TOR1AIP1: variants seen among roughly 807,000 people sequenced by gnomAD.
The protein encoded by TOR1AIP1 is torsin-1A-interacting protein 1.
In TOR1AIP1, 54 loss-of-function variants were observed where a neutral mutation model predicts 63.3. That is an observed-to-expected ratio of 0.85 (90% CI 0.69 to 1.07). TOR1AIP1 has a LOEUF of 1.07. TOR1AIP1 is among the 50% of genes least tolerant of loss of function. TOR1AIP1 has a pLI of 0.00. For missense variants in TOR1AIP1, 736 were observed against 715.0 expected (o/e 1.03, Z -0.33); for synonymous variants, 294 against 273.5 (o/e 1.07, Z -0.74).
At chr1:179,887,049 T>G (rs1440755081) in intron 2 of TOR1AIP1, among the ~76,000 whole-genome samples, 1 of 152,204 alleles carries the variant, frequency 6.6e-6, no homozygotes, top group African/African-American at 2.4e-5. Context: ...AGTGCTATAA[T>G]TGTATATAAG....
rs1649058133 is a variant in TOR1AIP1, at chr1:179,917,545, G to A, written c.1058G>A (p.Trp353Ter). 6.2e-7 allele frequency: 1 copy of A among 1,613,868 alleles called. No individual in the cohort carries two copies. Among genetic ancestry groups the A allele is most frequent in the Non-Finnish European group, 8.5e-7 (1 of 1,180,010 alleles). The change falls in exon 10 of 10, where the codon TGG becomes TAG. Residue 353 changes from tryptophan (W) to a stop codon, truncating the protein, a stop_gained. Coordinates refer to ENST00000606911, the MANE Select transcript of TOR1AIP1 (RefSeq NM_015602.4). LOFTEE classifies it high-confidence loss of function. ...GCTGCTCTTGCCTCTGGGAGTTTTT[G>A]GTTCTTTAGTACTCCTGAGGTAGAA... ...LIAALASGSFWFFSTPEVETT... is the reference protein window; with the variant it reads ...LIAALASGSF
intron 5 of TOR1AIP1, among the ~76,000 whole-genome samples, chr1:179,902,094 C>T (rs961055561): frequency 1.4e-5 from 2 of 140,302 alleles, no homozygotes; most frequent in African/African-American, 2.7e-5. Flanking sequence ...GGCGCAATGT[C>T]GGCTCACTGC....
Position 179,904,018 on chromosome 1 carries a change from A to G in TOR1AIP1, c.792A>G (p.Ser264=), listed in dbSNP as rs1363472613. Residue 264 remains serine, a synonymous_variant, in exon 6 of 10, where the codon TCA becomes TCG. Transcript: ENST00000606911. The stretch of plus-strand genomic sequence containing the variant: ...ATATAGAATCATTTTGGCAGTCATC[A>G]CAAAGTAAGTAAAGCTGTGTTTACA... ...SQYIESFWQS[S]QSQNFTAHDK... 1.2e-6 allele frequency: 2 copies of G among 1,606,730 alleles called. No homozygotes were observed. The highest frequency in any genetic ancestry group is 1.7e-5 in the Admixed American group (1 of 59,412).
intron 1 of TOR1AIP1, 32 bp downstream of exon 1, chr1:179,883,009 C>T (rs1365551662): frequency 1.3e-6 from 2 of 1,582,906 alleles, no homozygotes; most frequent in African/African-American, 2.7e-5. Context: ...GTCCCAGCCG[C>T]GAGCCAGGGA....
chr1:179,906,743 C>CCCCCCT (rs1491104735), intron 6 of TOR1AIP1, among the ~76,000 whole-genome samples: 5 of 39,848 alleles, frequency 1.3e-4, no homozygotes, highest in East Asian at 2.6e-3. Flanking sequence ...CCCCCCCCCC[C>CCCCCCT]TTTTTTTTTT....
chr1:179,901,345 C>G lies in TOR1AIP1; in HGVS notation c.696C>G (p.Val232=), dbSNP rs570033626. 4.7e-5 allele frequency: 76 copies of G among 1,610,990 alleles called. No individual in the cohort carries two copies. In the South Asian group the frequency reaches 7.1e-4, roughly 15 times the overall value. The change falls in exon 5 of 10, where the codon GTC becomes GTG. Residue 232 remains valine (V), a synonymous_variant. Transcript: ENST00000606911. ...EDDQDSSHSS[V]TTVKARSRDS... is the part of the protein sequence containing the mutation. ...ATCAAGACAGCTCTCACAGCAGTGT[C>G]ACTACTGTTAAGGCCAGATCCAGGG... is the stretch of plus-strand genomic sequence containing the variant.
At position 179,882,927 on chromosome 1, in the gene TOR1AIP1, C is replaced by A. The variant is rs199709287; in HGVS notation, c.425C>A (p.Pro142Gln). The change falls in exon 1 of 10, where the codon CCG (proline) becomes CAG (glutamine). Residue 142 changes from proline (P) to glutamine (Q), a missense_variant. Pro to Gln is a moderately conservative substitution (Grantham distance 76). Transcript: ENST00000606911. ...QQHSEQPPLQ[P>Q]SPVMTRRGLR... ...CACTCAGAGCAGCCTCCGCTACAGC[C>A]GTCTCCTGTTATGACCAGGAGAGGG... 1.4e-5 allele frequency: 23 copies of A among 1,613,908 alleles called. No homozygotes were observed. Among genetic ancestry groups the A allele is most frequent in the Non-Finnish European group, 1.8e-5 (21 of 1,180,034 alleles).
At chr1:179,899,893 C>T (rs1378339602) in intron 3 of TOR1AIP1, among the ~76,000 whole-genome samples, 1 of 152,216 alleles carries the variant, frequency 6.6e-6, no homozygotes, top group Admixed American at 6.5e-5. Context: ...GATCCACCCA[C>T]CTCGGCCTCC....
chr1:179,898,325 G>C (rs541620651), intron 3 of TOR1AIP1, among the ~76,000 whole-genome samples: 101 of 151,938 alleles, frequency 6.6e-4, no homozygotes, highest in Middle Eastern at 3.4e-3. Flanking sequence ...ATTCATGAAG[G>C]GTTTTTTGAA....
intron 3 of TOR1AIP1, among the ~76,000 whole-genome samples, chr1:179,893,253 C>T (rs188165717): frequency 6.8e-6 from 1 of 147,834 alleles, no homozygotes; most frequent in African/African-American, 2.6e-5. Context: ...CAAAAACAAA[C>T]AAACAAACAA....
intron 6 of TOR1AIP1, among the ~76,000 whole-genome samples, chr1:179,905,701 C>T (rs1648611269): frequency 6.6e-6 from 1 of 152,076 alleles, no homozygotes; most frequent in Non-Finnish European, 1.5e-5. Context: ...ACCTGTAATC[C>T]CAGCACTGTG....
At chr1:179,914,605 C>T (rs1648933838) in intron 9 of TOR1AIP1, among the ~76,000 whole-genome samples, 1 of 152,054 alleles carries the variant, frequency 6.6e-6, no homozygotes, top group Non-Finnish European at 1.5e-5. Flanking sequence ...ACCATCCTGG[C>T]CAACATGGTG....
intron 6 of TOR1AIP1, among the ~76,000 whole-genome samples, chr1:179,906,956 C>T (rs1457459279): frequency 1.3e-5 from 2 of 151,570 alleles, no homozygotes; most frequent in African/African-American, 4.8e-5. Context: ...CCAGGATGGT[C>T]TCGATCTCCT....
rs1390084641 is a variant in TOR1AIP1, at chr1:179,917,979, C to A, written c.1492C>A (p.His498Asn). ...TTTGATCTTCTACAAATATTGTGACCATGAAAACGCGGCCTTCAAAGATGT... is the reference window on the plus strand; with the variant it reads ...TTTGATCTTCTACAAATATTGTGACAATGAAAACGCGGCCTTCAAAGATGT... ...STLIFYKYCD[H>N]ENAAFKDVAL... Residue 498 changes from histidine (H) to asparagine (N), a missense_variant, in exon 10 of 10, where the codon CAT becomes AAT. Transcript: ENST00000606911. 1.2e-6 allele frequency: 2 copies of A among 1,614,210 alleles called. No individual in the cohort carries two copies. The highest frequency in any genetic ancestry group is 2.2e-5 in the South Asian group (2 of 91,082).
At chr1:179,912,521 A>G (rs1337136306) in intron 8 of TOR1AIP1, among the ~76,000 whole-genome samples, 1 of 152,210 alleles carries the variant, frequency 6.6e-6, no homozygotes, top group Non-Finnish European at 1.5e-5. Context: ...CATCATTAAC[A>G]TCATAGAATT....
chr1:179,901,294 C>G lies in TOR1AIP1; in HGVS notation c.653-8C>G. ...GACTATATTAGTATATTGTTTACTT[C>G]TCTTTAGGAGAAACTGAAGAAGATG... On this transcript the variant is annotated splice_region_variant and splice_polypyrimidine_tract_variant and intron_variant, in intron 4 of 9. Coordinates refer to ENST00000606911, the MANE Select transcript of TOR1AIP1 (RefSeq NM_015602.4). The G allele has an allele frequency of 6.3e-7, 1 of 1,599,894 alleles. No individual in the cohort carries two copies. Among genetic ancestry groups the G allele is most frequent in the Non-Finnish European group, 8.5e-7 (1 of 1,169,824 alleles).
chr1:179,884,683 G>A lies in TOR1AIP1; in HGVS notation c.476-9G>A. On this transcript the variant is annotated splice_polypyrimidine_tract_variant and intron_variant, in intron 1 of 9. Transcript: ENST00000606911. ...CTGAATTTTAACTCTTGTTATGTCTGTTTTTTAGAGGATGAAGCATCTTCC... is the reference window on the plus strand; with the variant it reads ...CTGAATTTTAACTCTTGTTATGTCTATTTTTTAGAGGATGAAGCATCTTCC... The A allele has an allele frequency of 6.2e-7, 1 of 1,602,490 alleles. No homozygotes were observed. The highest frequency in any genetic ancestry group is 8.5e-7 in the Non-Finnish European group (1 of 1,175,516).
chr1:179,882,620 A>G lies in TOR1AIP1; in HGVS notation c.118A>G (p.Ser40Gly). ...GCTCGCCCCTCAAAATGGCGGCAGC[A>G]GCGATGCGCCTGCGTACAGAACTCC... is the stretch of plus-strand genomic sequence containing the variant. Reference protein sequence around the residue: ...GRLAPQNGGSSDAPAYRTPPS... With the variant: ...GRLAPQNGGSGDAPAYRTPPS... Residue 40 changes from serine (S) to glycine (G), a missense_variant, in exon 1 of 10, where the codon AGC becomes GGC. Coordinates refer to ENST00000606911, the MANE Select transcript of TOR1AIP1 (RefSeq NM_015602.4). The G allele has an allele frequency of 6.5e-7, 1 of 1,530,892 alleles. No individual in the cohort carries two copies. The highest frequency in any genetic ancestry group is 8.8e-7 in the Non-Finnish European group (1 of 1,141,738). The allele number at this position is 1,530,892 out of a possible 1,614,324, so 94.8% of individuals were successfully genotyped here.
chr1:179,906,587 C>A (rs1648637729), intron 6 of TOR1AIP1, among the ~76,000 whole-genome samples: 1 of 152,088 alleles, frequency 6.6e-6, no homozygotes, highest in South Asian at 2.1e-4. Flanking sequence ...TTCATAGCTA[C>A]TTTGCAATGT....
Sources: gnomAD v4.1 joint callset for allele counts (sites outside exome capture counted in the v4.1 genomes callset) on GRCh38, gnomAD v4.1.1 for gene constraint, MANE v1.5 for transcripts, NCBI Gene and HGNC (gene_info 2026-07-23, HGNC 2026-07-21) for gene names.